TMEM170A: variants seen among roughly 807,000 people sequenced by gnomAD.
TMEM170A encodes transmembrane protein 170A, also known as transmembrane protein 170.
TMEM170A carries 18 observed loss-of-function variants against 12.8 expected under a neutral mutation model. The observed-to-expected ratio is 1.41, with a 90% confidence interval of 0.97 to 2.09. TMEM170A has a LOEUF of 2.09. TMEM170A is among the 30% of genes most tolerant of loss of function. TMEM170A has a pLI of 0.00. For missense variants in TMEM170A, 220 were observed against 179.9 expected, an observed-to-expected ratio of 1.22 and a Z score of -1.28; for synonymous variants, 107 against 76.2, an observed-to-expected ratio of 1.40 and a Z score of -2.11.
At chr16:75,449,550 C>T (rs927785289) in intron 2 of TMEM170A, among the ~76,000 whole-genome samples, 1 of 152,156 alleles carries the variant, frequency 6.6e-6, no homozygotes, top group Non-Finnish European at 1.5e-5. Context: ...AACTCTTGGA[C>T]TTAAGCAATC....
chr16:75,447,551 A>T lies in TMEM170A; in HGVS notation c.*7T>A. ...TTAAGTTCAACATCTCAGCATAAGG[A>T]TGTATGCTATAGAGTAGCTAAAATC... On this transcript the variant is annotated 3_prime_UTR_variant, in exon 3 of 3. Coordinates refer to ENST00000561878, the MANE Select transcript of TMEM170A (RefSeq NM_145254.3). 6.2e-7 allele frequency: 1 copy of T among 1,606,722 alleles called. No homozygotes were observed.
chr16:75,447,800 T>C lies in TMEM170A; in HGVS notation c.305-112A>G, dbSNP rs2079614267. The C allele has an allele frequency of 5.7e-6, 7 of 1,230,562 alleles. No homozygotes were observed. In the South Asian group the frequency reaches 1.1e-4, roughly 20 times the overall value. 76.2% of individuals were successfully genotyped at this position (1,230,562 alleles called of 1,614,324 possible). A position where few individuals can be genotyped will look rare whatever the true frequency, so the allele number is the denominator to read the frequency against. On this transcript the variant is annotated intron_variant, in intron 2 of 2. Coordinates refer to ENST00000561878, the MANE Select transcript of TMEM170A (RefSeq NM_145254.3). ...GAGTAGAATGTTCCAGATTTTATACTGAAATTTAAATCTTACAGAAATGTT... is the reference window on the plus strand; with the variant it reads ...GAGTAGAATGTTCCAGATTTTATACCGAAATTTAAATCTTACAGAAATGTT...
At chr16:75,450,275 A>C (rs2079659716) in intron 2 of TMEM170A, among the ~76,000 whole-genome samples, 1 of 152,008 alleles carries the variant, frequency 6.6e-6, no homozygotes, top group Non-Finnish European at 1.5e-5. Context: ...AAAGTTACAA[A>C]TCAGTAGGAA....
chr16:75,445,987 G>A lies in TMEM170A; in HGVS notation c.*1571C>T, dbSNP rs2079578637. 1 of 151,994 alleles carries A rather than the reference G, an allele frequency of 6.6e-6. No individual in the cohort carries two copies. The highest frequency in any genetic ancestry group is 2.4e-5 in the African/African-American group (1 of 41,388). 9.4% of individuals were successfully genotyped at this position (151,994 alleles called of 1,614,324 possible). Reference sequence around the variant, plus strand: ...GGTCAGGAGTTCAAGACCAGCCTGGGCAAGATGGTGAAACCTATCTCTACT... The same window carrying A: ...GGTCAGGAGTTCAAGACCAGCCTGGACAAGATGGTGAAACCTATCTCTACT... On this transcript the variant is annotated 3_prime_UTR_variant, in exon 3 of 3. Coordinates refer to ENST00000561878, the MANE Select transcript of TMEM170A (RefSeq NM_145254.3).
chr16:75,452,954 A>AT (rs1384838382), intron 1 of TMEM170A, among the ~76,000 whole-genome samples: 3 of 152,128 alleles, frequency 2.0e-5, no homozygotes, highest in Admixed American at 2.0e-4. Context: ...ATGCCCTTTC[A>AT]TTTAAGTATT....
In TMEM170A at chr16:75,443,277, C is replaced by T. The variant is rs1002266159; in HGVS notation, c.*4281G>A. On this transcript the variant is annotated 3_prime_UTR_variant, in exon 3 of 3. Transcript: ENST00000561878. ...AATTTTTTATTGATAAACATTTACA[C>T]TAGAATTAGAAATGTCAGTAGAAAA... 7 of 152,080 alleles carry T rather than the reference C, an allele frequency of 4.6e-5. No individual in the cohort carries two copies. Among genetic ancestry groups the T allele is most frequent in the African/African-American group, 1.7e-4 (7 of 41,394 alleles). The allele number at this position is 152,080 out of a possible 1,614,324, so 9.4% of individuals were successfully genotyped here.
At chr16:75,457,100 C>T (rs2079812703) in intron 1 of TMEM170A, among the ~76,000 whole-genome samples, 1 of 152,086 alleles carries the variant, frequency 6.6e-6, no homozygotes, top group Non-Finnish European at 1.5e-5. Context: ...TGCTGTCTGC[C>T]CCATACTGAC....
rs1390372772 is a variant in TMEM170A at position 75,443,736 on chromosome 16, T to C, written c.*3822A>G. On this transcript the variant is annotated 3_prime_UTR_variant, in exon 3 of 3. Transcript: ENST00000561878. Reference sequence around the variant, plus strand: ...GATACCTCTTTTAGAATATTCATGATGCTCTTGTGTATGAACTTAAGTTTT... The same window carrying C: ...GATACCTCTTTTAGAATATTCATGACGCTCTTGTGTATGAACTTAAGTTTT... 2.6e-5 allele frequency: 4 copies of C among 152,220 alleles called. No homozygotes were observed. The highest frequency in any genetic ancestry group is 5.9e-5 in the Non-Finnish European group (4 of 68,038). The allele number at this position is 152,220 out of a possible 1,614,324, so 9.4% of individuals were successfully genotyped here.
rs1263578402 is a variant in TMEM170A, at chr16:75,455,314, G to A, written c.134-3475C>T. ...GGAGCTTGCAGTGAGCCGAGATCAC[G>A]CCACTGCACTCCAGCCTGGGTGACA... On this transcript the variant is annotated intron_variant, in intron 1 of 2. Transcript: ENST00000561878. Among the ~76,000 whole-genome samples, 13 of 138,540 alleles carry A rather than the reference G, an allele frequency of 9.4e-5. No individual in the cohort carries two copies. In the East Asian group the frequency reaches 2.1e-3, roughly 23 times the overall value. The allele number at this position is 138,540 out of a possible 152,430, so 90.9% of individuals were successfully genotyped here. A position where few individuals can be genotyped will look rare whatever the true frequency, so the allele number is the denominator to read the frequency against.
rs954207258 is a variant in TMEM170A at position 75,443,625 on chromosome 16, C to T, written c.*3933G>A. The T allele has an allele frequency of 1.3e-5, 2 of 152,030 alleles. No homozygotes were observed. The highest frequency in any genetic ancestry group is 2.4e-5 in the African/African-American group (1 of 41,388). The allele number at this position is 152,030 out of a possible 1,614,324, so 9.4% of individuals were successfully genotyped here. A position where few individuals can be genotyped will look rare whatever the true frequency, so the allele number is the denominator to read the frequency against. ...TTAAAATCTTAAAAAAAATAAGGAACGGTTTAAAGGTAATTAATGAACTTT... is the reference window on the plus strand; with the variant it reads ...TTAAAATCTTAAAAAAAATAAGGAATGGTTTAAAGGTAATTAATGAACTTT... On this transcript the variant is annotated 3_prime_UTR_variant, in exon 3 of 3. Coordinates refer to ENST00000561878, the MANE Select transcript of TMEM170A (RefSeq NM_145254.3).
intron 1 of TMEM170A, among the ~76,000 whole-genome samples, chr16:75,462,213 G>T (rs1181892458): frequency 6.6e-6 from 1 of 152,162 alleles, no homozygotes; most frequent in African/African-American, 2.4e-5. Flanking sequence ...GATACAAATT[G>T]ACATTCAATG....
chr16:75,449,376 G>A (rs1003665839), intron 2 of TMEM170A, among the ~76,000 whole-genome samples: 1 of 150,288 alleles, frequency 6.7e-6, no homozygotes, highest in Non-Finnish European at 1.5e-5. Context: ...CACCTAGGCT[G>A]GAATGCGGTG....
rs2079555666 is a variant in TMEM170A, at chr16:75,444,759, G to T, written c.*2799C>A. On this transcript the variant is annotated 3_prime_UTR_variant, in exon 3 of 3. Coordinates refer to ENST00000561878, the MANE Select transcript of TMEM170A (RefSeq NM_145254.3). ...TGGAGAATACTTCACCTACTGGGAT[G>T]GATGAAACACTCAGTAATTTGAAGA... 2 of 152,020 alleles carry T rather than the reference G, an allele frequency of 1.3e-5. No individual in the cohort carries two copies. Among genetic ancestry groups the T allele is most frequent in the Non-Finnish European group, 2.9e-5 (2 of 68,010 alleles). The allele number at this position is 152,020 out of a possible 1,614,324, so 9.4% of individuals were successfully genotyped here.
chr16:75,453,788 T>TCTGTA (rs1445783559), intron 1 of TMEM170A, among the ~76,000 whole-genome samples: 1 of 152,218 alleles, frequency 6.6e-6, no homozygotes. Flanking sequence ...TCTTAAGGTG[T>TCTGTA]CTGTAACTCA....
intron 1 of TMEM170A, among the ~76,000 whole-genome samples, chr16:75,453,512 C>G (rs909196875): frequency 6.6e-6 from 1 of 152,148 alleles, no homozygotes; most frequent in Non-Finnish European, 1.5e-5. Flanking sequence ...CCAATTGATA[C>G]GGTACTATGC....
intron 2 of TMEM170A, among the ~76,000 whole-genome samples, chr16:75,448,764 A>C (rs1441648672): frequency 6.9e-6 from 1 of 144,964 alleles, no homozygotes; most frequent in Non-Finnish European, 1.5e-5. Context: ...ATCCTGTCTC[A>C]AAAAAAAAAA....
chr16:75,464,334 G>GC lies in TMEM170A; in HGVS notation c.133+133dup, dbSNP rs569745561. On this transcript the variant is annotated intron_variant, in intron 1 of 2. Transcript: ENST00000561878. ...AAAGGGGCTCCGGGCGAGCAGCACG[G>GC]CCCCCCTCCCGGAGGACAGCGCCCA... The GC allele has an allele frequency of 1.0e-5, 14 of 1,396,420 alleles. No individual in the cohort carries two copies. In the African/African-American group the frequency reaches 1.5e-4, roughly 15 times the overall value. 86.5% of individuals were successfully genotyped at this position (1,396,420 alleles called of 1,614,324 possible).
intron 2 of TMEM170A, among the ~76,000 whole-genome samples, chr16:75,451,187 C>A (rs964623003): frequency 1.3e-5 from 2 of 151,972 alleles, no homozygotes; most frequent in African/African-American, 2.4e-5. Context: ...GAGATGAAAT[C>A]TGACTCAAGA....
upstream of TMEM170A, chr16:75,464,715 C>A (rs908604722): frequency 2.2e-5 from 30 of 1,383,706 alleles, no homozygotes; most frequent in Non-Finnish European, 2.8e-5. Flanking sequence ...CCTCTTCCCC[C>A]AATCCCAACG....
Sources: allele counts gnomAD v4.1 joint callset (sites outside exome capture counted in the v4.1 genomes callset), GRCh38; gene constraint gnomAD v4.1.1; transcripts MANE v1.5; gene names NCBI Gene and HGNC (gene_info 2026-07-23, HGNC 2026-07-21).